Variants in DEPDC7 observed in about 807,000 individuals in gnomAD.
DEPDC7 encodes DEP domain-containing protein 7.
Under a neutral mutation model 56.6 loss-of-function variants are expected in DEPDC7, and 41 were observed. The ratio of observed to expected loss-of-function variants is 0.72; its 90% CI spans 0.56 to 0.94. The LOEUF is 0.94. DEPDC7 is among the 40% of genes least tolerant of loss of function. The pLI, the probability that DEPDC7 is intolerant of heterozygous loss-of-function variation, is 0.00. For synonymous variants in DEPDC7, 185 were observed against 208.8 expected, an observed-to-expected ratio of 0.89 and a Z score of 0.98; for missense variants, 522 against 596.3, an observed-to-expected ratio of 0.88 and a Z score of 1.30.
chr11:33,032,294 A>C, intron 5 of DEPDC7, 42 bp from the exon 6 acceptor site: 2 of 1,526,030 alleles, frequency 1.3e-6, no homozygotes, highest in Non-Finnish European at 1.7e-6. Context: ...TAATATAGTC[A>C]TATTTGGTCA....
rs1376704756 is a variant in DEPDC7 at position 33,032,536 on chromosome 11, G to C, written c.1137+58G>C. The C allele has an allele frequency of 2.1e-6, 3 of 1,460,224 alleles. No homozygotes were observed. In the Admixed American group the frequency reaches 7.3e-5, roughly 36 times the overall value. 90.5% of individuals were successfully genotyped at this position (1,460,224 alleles called of 1,614,324 possible). ...AATATCCTTAATACTTACAGGTTAA[G>C]TATTAGATTATTCCATCTTCAGCAT... On this transcript the variant is annotated intron_variant, in intron 6 of 8. Transcript: ENST00000241051.
At chr11:33,016,392 A>C in intron 1 of DEPDC7, 1 of 1,481,626 alleles carries the variant, frequency 6.7e-7, no homozygotes, top group Non-Finnish European at 8.9e-7. Flanking sequence ...TGGTATCTGG[A>C]ATTTGTGTAG....
At chr11:33,033,089 G>T (rs969647682) in intron 8 of DEPDC7, 122 bp downstream of exon 8, 23 of 963,434 alleles carry the variant, frequency 2.4e-5, no homozygotes, top group Non-Finnish European at 3.2e-5. Flanking sequence ...TCTCCTCAGA[G>T]TTATTCATAC....
intron 4 of DEPDC7, among the ~76,000 whole-genome samples, chr11:33,030,782 C>T (rs536515745): frequency 5.9e-5 from 9 of 152,234 alleles, no homozygotes; most frequent in Admixed American, 3.3e-4. Flanking sequence ...CGGGATTTCA[C>T]CCTGTTGGCC....
intron 1 of DEPDC7, among the ~76,000 whole-genome samples, chr11:33,019,565 T>G (rs903165774): frequency 2.0e-5 from 3 of 151,374 alleles, no homozygotes; most frequent in Non-Finnish European, 4.4e-5. Flanking sequence ...ACTCAGGAGG[T>G]TGAGGCAGGA....
Position 33,026,958 on chromosome 11 carries a change from CATG to C in DEPDC7, c.465-725_465-723del, listed in dbSNP as rs1853585802. Among the ~76,000 whole-genome samples the C allele has an allele frequency of 2.6e-5, 4 of 152,218 alleles. No homozygotes were observed. The South Asian group carries it at 8.3e-4, about 32-fold the overall frequency. On this transcript the variant is annotated intron_variant, in intron 2 of 8. Coordinates refer to ENST00000241051, the MANE Select transcript of DEPDC7 (RefSeq NM_001077242.2). ...TTACATGTTTTGACCCAAACTAAAA[CATG>C]ATAAAATTTACCTCTTTGTGTAGAA...
At position 33,025,675 on chromosome 11, in the gene DEPDC7, GA is replaced by G. The variant is rs773107100; in HGVS notation, c.92del (p.Lys31SerfsTer13). On this transcript the variant is annotated frameshift_variant, in exon 2 of 9. Coordinates refer to ENST00000241051, the MANE Select transcript of DEPDC7 (RefSeq NM_001077242.2). LOFTEE classifies it high-confidence loss of function. Reference sequence around the variant, plus strand: ...TCCTTCTAGGTTTCAGTGTAGCTCAGAAGCCATTTGGAGCCACGTATGTATG... The same window carrying G: ...TCCTTCTAGGTTTCAGTGTAGCTCAGAGCCATTTGGAGCCACGTATGTATG... ...HRPPGFSVAQ[K>X]PFGATYVWSS... 1.2e-6 allele frequency: 2 copies of G among 1,607,272 alleles called. No individual in the cohort carries two copies. The highest frequency in any genetic ancestry group is 3.3e-5 in the Admixed American group (2 of 59,810).
At chr11:33,020,247 A>T (rs1029835417) in intron 1 of DEPDC7, among the ~76,000 whole-genome samples, 2 of 152,158 alleles carry the variant, frequency 1.3e-5, no homozygotes, top group African/African-American at 4.8e-5. Flanking sequence ...AGAAGTGAGG[A>T]TGATTATTAC....
intron 1 of DEPDC7, among the ~76,000 whole-genome samples, chr11:33,022,975 G>T (rs1423529489): frequency 1.3e-5 from 2 of 152,044 alleles, no homozygotes; most frequent in Non-Finnish European, 2.9e-5. Context: ...AAACAATCTT[G>T]CTTATTTTGG....
intron 1 of DEPDC7, chr11:33,016,247 G>C (rs974932561): frequency 1.5e-6 from 2 of 1,333,034 alleles, no homozygotes; most frequent in Non-Finnish European, 1.9e-6. Context: ...GGCAGAGCCC[G>C]CCCGCACAGC....
intron 1 of DEPDC7, among the ~76,000 whole-genome samples, chr11:33,017,128 G>C (rs1853472590): frequency 6.6e-6 from 1 of 152,128 alleles, no homozygotes; most frequent in South Asian, 2.1e-4. Context: ...CCTTTTCTAA[G>C]AAAAATCATA....
chr11:33,025,135 C>T (rs902669473), intron 1 of DEPDC7, among the ~76,000 whole-genome samples: 2 of 152,130 alleles, frequency 1.3e-5, no homozygotes, highest in African/African-American at 2.4e-5. Flanking sequence ...TCCTGTTCTT[C>T]TCTCCCTCCC....
In DEPDC7 at chr11:33,032,719, A is replaced by G. The variant is rs1853646288; in HGVS notation, c.1189A>G (p.Asn397Asp). ...GATATTCTCAAAAGCTATTGTTGAC[A>G]ATAAAAATTTATCCAAAGGCAAAAC... ...KRIFSKAIVD[N>D]KNLSKGKTDL... Residue 397 changes from asparagine (N) to aspartate (D), a missense_variant, in exon 7 of 9, where the codon AAT becomes GAT. Asn to Asp is a conservative substitution (Grantham distance 23, BLOSUM62 1). Transcript: ENST00000241051. 1.5e-5 allele frequency: 24 copies of G among 1,607,364 alleles called. No individual in the cohort carries two copies. The highest frequency in any genetic ancestry group is 2.0e-5 in the Non-Finnish European group (23 of 1,176,658).
In DEPDC7 at chr11:33,025,938, A is replaced by G; in HGVS notation, c.353A>G (p.Lys118Arg). 1 of 1,614,108 alleles carries G rather than the reference A, an allele frequency of 6.2e-7. No individual in the cohort carries two copies. The highest frequency in any genetic ancestry group is 8.5e-7 in the Non-Finnish European group (1 of 1,180,006). Reference sequence around the variant, plus strand: ...GCAGTTCCAACCAAAGTCTTTGGAAAAGACAAAAAACCTACATTTGAAGAT... The same window carrying G: ...GCAGTTCCAACCAAAGTCTTTGGAAGAGACAAAAAACCTACATTTGAAGAT... ...FEAVPTKVFG[K>R]DKKPTFEDSS... is the part of the protein sequence containing the mutation. Residue 118 changes from lysine (K) to arginine (R), a missense_variant, in exon 2 of 9, where the codon AAA becomes AGA. By Grantham distance (26) the Lys-to-Arg change is conservative. Transcript: ENST00000241051.
At chr11:33,016,161 C>G (rs1590205221) in intron 1 of DEPDC7, 133 bp downstream of exon 1, 1 of 1,256,436 alleles carries the variant, frequency 8.0e-7, no homozygotes, top group Non-Finnish European at 1.0e-6. Context: ...GCGAGCACAG[C>G]ACAGCTGCGA....
chr11:33,017,184 A>G (rs959619989), intron 1 of DEPDC7, among the ~76,000 whole-genome samples: 2 of 152,242 alleles, frequency 1.3e-5, no homozygotes, highest in African/African-American at 4.8e-5. Flanking sequence ...AGGTAAGCAC[A>G]TAGTGGCCAC....
intron 1 of DEPDC7, among the ~76,000 whole-genome samples, chr11:33,025,324 C>T (rs757636821): frequency 5.3e-5 from 8 of 152,120 alleles, no homozygotes; most frequent in Non-Finnish European, 1.5e-5. Flanking sequence ...CATTTAAAGT[C>T]GCATTCTTTA....
rs367822648 is a variant in DEPDC7 at position 33,022,498 on chromosome 11, G to A, written c.74-3161G>A. Among the ~76,000 whole-genome samples, 11 of 152,274 alleles carry A rather than the reference G, an allele frequency of 7.2e-5. No homozygotes were observed. In the East Asian group the frequency reaches 2.1e-3, roughly 29 times the overall value. On this transcript the variant is annotated intron_variant, in intron 1 of 8. Transcript: ENST00000241051. Reference sequence around the variant, plus strand: ...TAGGATTATTAATAATCATTTTGCAGAGAAGCTTATCAGAATTAAATGCGA... The same window carrying A: ...TAGGATTATTAATAATCATTTTGCAAAGAAGCTTATCAGAATTAAATGCGA...
chr11:33,029,004 G>A (rs10836006), intron 4 of DEPDC7, among the ~76,000 whole-genome samples: 61,026 of 151,638 alleles, frequency 0.4, 12,436 homozygotes, highest in East Asian at 0.45. Flanking sequence ...TGTTTCACAT[G>A]TAACTTGCAC....
Sources: allele counts gnomAD v4.1 joint callset (sites outside exome capture counted in the v4.1 genomes callset), GRCh38; gene constraint gnomAD v4.1.1; transcripts MANE v1.5; gene names NCBI Gene and HGNC (gene_info 2026-07-23, HGNC 2026-07-21).